Variants in SIPA1L1 observed in about 807,000 individuals in gnomAD.
SIPA1L1 encodes signal-induced proliferation-associated 1-like protein 1.
In SIPA1L1, 26 loss-of-function variants were observed where a neutral mutation model predicts 162.7. That is an observed-to-expected ratio of 0.16 (90% CI 0.12 to 0.22). The LOEUF (loss-of-function observed/expected upper bound fraction) is 0.22, where lower values mean the gene tolerates loss of function less well. Ranked by LOEUF, SIPA1L1 falls within the 10% of genes least tolerant of loss-of-function variation. SIPA1L1 has a pLI of 1.00. For synonymous variants in SIPA1L1, 829 were observed against 837.4 expected (o/e 0.99, Z 0.17); for missense variants, 1,874 against 2,241.0 (o/e 0.84, Z 3.31).
intron 2 of SIPA1L1, among the ~76,000 whole-genome samples, chr14:71,489,694 A>C (rs2049073921): frequency 6.6e-6 from 1 of 151,436 alleles, no homozygotes; most frequent in Non-Finnish European, 1.5e-5. Context: ...ATGATAGCTG[A>C]TTAGCTTAAA....
At chr14:71,642,661 T>C (rs972499425) in intron 7 of SIPA1L1, among the ~76,000 whole-genome samples, 1 of 152,192 alleles carries the variant, frequency 6.6e-6, no homozygotes, top group Non-Finnish European at 1.5e-5. Flanking sequence ...ATATTCATAA[T>C]GTCTGACAGT....
intron 7 of SIPA1L1, among the ~76,000 whole-genome samples, chr14:71,641,051 C>G (rs867185360): frequency 2.0e-5 from 3 of 152,148 alleles, no homozygotes; most frequent in East Asian, 3.9e-4. Context: ...AAAATTTTAA[C>G]TAAAGAACGG....
intron 2 of SIPA1L1, among the ~76,000 whole-genome samples, chr14:71,477,025 C>A (rs1464354348): frequency 6.6e-6 from 1 of 152,090 alleles, no homozygotes. Flanking sequence ...GAGGCCGAGG[C>A]AGGTGGATCA....
intron 2 of SIPA1L1, among the ~76,000 whole-genome samples, chr14:71,468,594 A>G (rs1360612293): frequency 6.6e-6 from 1 of 151,478 alleles, no homozygotes; most frequent in Non-Finnish European, 1.5e-5. Context: ...TGATCCAAAC[A>G]CCTCCCACCA....
chr14:71,388,243 A>C (rs779245585), intron 2 of SIPA1L1, among the ~76,000 whole-genome samples: 28 of 152,248 alleles, frequency 1.8e-4, no homozygotes, highest in Non-Finnish European at 7.3e-5. Flanking sequence ...AAGTAATGCA[A>C]AAATTATTCA....
In SIPA1L1 at chr14:71,672,567, T is replaced by C; in HGVS notation, c.3049T>C (p.Ser1017Pro). ...GCAGATGATCGACCTCCTGAGAACA[T>C]CTGTCACGGTGAAGGTTGTCATCAT... ...HEQMIDLLRT[S>P]VTVKVVIIPP... Residue 1017 changes from serine to proline, a missense_variant, in exon 12 of 24, where the codon TCT becomes CCT. Around this residue, in one of 5 missense-constraint regions of SIPA1L1, gnomAD observed 936 missense variants for 1,051.9 expected, o/e 0.89. Transcript: ENST00000381232. 6.2e-7 allele frequency: 1 copy of C among 1,614,158 alleles called. No homozygotes were observed. The highest frequency in any genetic ancestry group is 8.5e-7 in the Non-Finnish European group (1 of 1,180,026).
chr14:71,346,622 G>A (rs1168545621), intron 2 of SIPA1L1, among the ~76,000 whole-genome samples: 1 of 152,168 alleles, frequency 6.6e-6, no homozygotes, highest in African/African-American at 2.4e-5. Context: ...AAGCAAAAGC[G>A]GGGATGGCTT....
chr14:71,375,053 T>G (rs1416012832), intron 2 of SIPA1L1, among the ~76,000 whole-genome samples: 2 of 152,208 alleles, frequency 1.3e-5, no homozygotes, highest in Non-Finnish European at 2.9e-5. Context: ...TTCTAAATAT[T>G]CTTATAGAAC....
rs1041082880 is a variant in SIPA1L1, at chr14:71,645,008, G to T, written c.1819-5327G>T. ...TTCTGTAAGTTAAAAATTAAATATTGGTGTCACTGGGCTAAAATCAAACTG... is the reference window on the plus strand; with the variant it reads ...TTCTGTAAGTTAAAAATTAAATATTTGTGTCACTGGGCTAAAATCAAACTG... On this transcript the variant is annotated intron_variant, in intron 7 of 23. Transcript: ENST00000381232. Among the ~76,000 whole-genome samples the T allele has an allele frequency of 2.0e-5, 3 of 152,158 alleles. No homozygotes were observed. The East Asian group carries it at 5.8e-4, about 29-fold the overall frequency.
At chr14:71,344,877 A>G (rs1321892667) in intron 2 of SIPA1L1, among the ~76,000 whole-genome samples, 2 of 151,762 alleles carry the variant, frequency 1.3e-5, no homozygotes, top group African/African-American at 2.4e-5. Flanking sequence ...CAACTTTTCA[A>G]TTTTTTCTAG....
At chr14:71,496,815 T>C (rs573691397) in intron 2 of SIPA1L1, among the ~76,000 whole-genome samples, 1 of 152,244 alleles carries the variant, frequency 6.6e-6, no homozygotes, top group Non-Finnish European at 1.5e-5. Flanking sequence ...CTTTTATCAT[T>C]ATAAATTGTC....
chr14:71,657,367 A>AG (rs2043154858), intron 8 of SIPA1L1, among the ~76,000 whole-genome samples: 1 of 150,714 alleles, frequency 6.6e-6, no homozygotes, highest in African/African-American at 2.4e-5. Context: ...AAAAAAAAAA[A>AG]TTGGGTTGAT....
chr14:71,440,991 GA>G (rs2044805910), intron 2 of SIPA1L1, among the ~76,000 whole-genome samples: 1 of 152,122 alleles, frequency 6.6e-6, no homozygotes, highest in Non-Finnish European at 1.5e-5. Context: ...TTCTTTAAAA[GA>G]TATCACTAAG....
intron 7 of SIPA1L1, among the ~76,000 whole-genome samples, chr14:71,635,902 A>G (rs1438378648): frequency 6.6e-6 from 1 of 152,208 alleles, no homozygotes; most frequent in Non-Finnish European, 1.5e-5. Flanking sequence ...AATCAAAGGA[A>G]AGCTATAGGG....
intron 2 of SIPA1L1, among the ~76,000 whole-genome samples, chr14:71,426,857 C>G (rs2043607889): frequency 6.6e-6 from 1 of 152,142 alleles, no homozygotes; most frequent in South Asian, 2.1e-4. Flanking sequence ...ACCTTTTTCA[C>G]TGTTGATGTC....
rs772418152 is a variant in SIPA1L1 at position 71,658,297 on chromosome 14, A to G, written c.1994-36A>G. 4 of 965,484 alleles carry G rather than the reference A, an allele frequency of 4.1e-6. No homozygotes were observed. The African/African-American group carries it at 4.9e-5, about 12-fold the overall frequency. 59.8% of individuals were successfully genotyped at this position (965,484 alleles called of 1,614,324 possible). On this transcript the variant is annotated intron_variant, in intron 8 of 23. Coordinates refer to ENST00000381232, the MANE Select transcript of SIPA1L1 (RefSeq NM_001386936.1). ...TCTTAAATAAATTATTTTTCCTGTT[A>G]TAGTCATCTCATCATTATATTTTTT...
chr14:71,405,766 C>G (rs945632089), intron 2 of SIPA1L1, among the ~76,000 whole-genome samples: 1 of 152,184 alleles, frequency 6.6e-6, no homozygotes, highest in African/African-American at 2.4e-5. Context: ...GTAATGATGT[C>G]TTTTATCTCT....
intron 3 of SIPA1L1, among the ~76,000 whole-genome samples, chr14:71,523,696 C>T (rs994029207): frequency 1.3e-5 from 2 of 152,196 alleles, no homozygotes; most frequent in South Asian, 2.1e-4. Context: ...TGCATGTGTC[C>T]ATTAAAATTT....
chr14:71,646,313 A>C (rs1315904224), intron 7 of SIPA1L1, among the ~76,000 whole-genome samples: 1 of 151,584 alleles, frequency 6.6e-6, no homozygotes, highest in Non-Finnish European at 1.5e-5. Context: ...AGTAGCTGGG[A>C]CTACAGGTGC....
Sources: allele counts gnomAD v4.1 joint callset (sites outside exome capture counted in the v4.1 genomes callset), GRCh38; gene constraint gnomAD v4.1.1; regional missense constraint gnomAD v4.1.1; transcripts MANE v1.5; gene names NCBI Gene and HGNC (gene_info 2026-07-23, HGNC 2026-07-21).